The following GULP1 variants were observed in gnomAD, a reference collection of about 807,000 sequenced individuals.
GULP1 encodes PTB domain-containing engulfment adapter protein 1.
GULP1 carries 19 observed loss-of-function variants against 40.9 expected under a neutral mutation model. The observed-to-expected ratio is 0.46, with a 90% CI of 0.32 to 0.68. The LOEUF is 0.68. GULP1 is among the 30% of genes least tolerant of loss of function. The probability of loss-of-function intolerance (pLI) is 0.03; values close to 1 mark genes in which losing one functional copy is unlikely to be tolerated. For missense variants in GULP1, 312 were observed against 362.2 expected (o/e 0.86, Z 1.12); for synonymous variants, 119 against 117.6 (o/e 1.01, Z -0.08).
chr2:188,361,472 T>C (rs2152376330), intron 1 of GULP1, among the ~76,000 whole-genome samples: 2 of 152,174 alleles, frequency 1.3e-5, no homozygotes, highest in Middle Eastern at 3.4e-3. Context: ...TCTATAGGTC[T>C]GTAAGTGTTG....
intron 1 of GULP1, among the ~76,000 whole-genome samples, chr2:188,369,185 C>T (rs915708851): frequency 6.6e-6 from 1 of 150,888 alleles, no homozygotes; most frequent in Non-Finnish European, 1.5e-5. Flanking sequence ...AGTCTCAAAC[C>T]CCTGACCTCA....
chr2:188,560,208 A>G (rs571523059), intron 7 of GULP1, among the ~76,000 whole-genome samples: 5 of 152,056 alleles, frequency 3.3e-5, no homozygotes, highest in African/African-American at 1.2e-4. Context: ...GCCAGATGAA[A>G]CCTTGAATGC....
intron 1 of GULP1, among the ~76,000 whole-genome samples, chr2:188,295,964 T>C (rs1559080431): frequency 1.3e-5 from 2 of 152,108 alleles, no homozygotes; most frequent in African/African-American, 2.4e-5. Context: ...GAGTGATGTA[T>C]TTGTGATTCA....
intron 7 of GULP1, among the ~76,000 whole-genome samples, chr2:188,561,129 C>T (rs1486296654): frequency 2.6e-5 from 4 of 152,130 alleles, no homozygotes; most frequent in Non-Finnish European, 5.9e-5. Flanking sequence ...GGGACTGGGA[C>T]GTTAAGCATG....
chr2:188,529,410 C>T (rs1559346565), intron 6 of GULP1, among the ~76,000 whole-genome samples: 1 of 151,894 alleles, frequency 6.6e-6, no homozygotes, highest in African/African-American at 2.4e-5. Context: ...ATATTAATAA[C>T]TTATGTTAAG....
At chr2:188,410,639 A>C (rs1051094402) in intron 2 of GULP1, among the ~76,000 whole-genome samples, 1 of 152,118 alleles carries the variant, frequency 6.6e-6, no homozygotes, top group Non-Finnish European at 1.5e-5. Flanking sequence ...TTAAAACCAC[A>C]ATGAGCTATC....
Position 188,511,212 on chromosome 2 carries a change from C to T in GULP1, c.91-11544C>T, listed in dbSNP as rs186981331. Among the ~76,000 whole-genome samples, 65 of 152,138 alleles carry T rather than the reference C, an allele frequency of 4.3e-4. No homozygotes were observed. In the East Asian group the frequency reaches 5.4e-3, roughly 13 times the overall value. On this transcript the variant is annotated intron_variant, in intron 4 of 11. Transcript: ENST00000409830. ...CTTTTGACTGCCTTTGTTTTTAAAC[C>T]GCTCTCACAATAGAAACATTATATA... is the stretch of plus-strand genomic sequence containing the variant.
chr2:188,377,333 A>G (rs2048427890), intron 1 of GULP1, among the ~76,000 whole-genome samples: 2 of 152,188 alleles, frequency 1.3e-5, no homozygotes, highest in African/African-American at 4.8e-5. Flanking sequence ...GTCGGGCTAT[A>G]TGATTAGTGC....
intron 2 of GULP1, among the ~76,000 whole-genome samples, chr2:188,399,690 GAAAAAAAAAA>G (rs55877284): frequency 4.6e-5 from 3 of 64,676 alleles, no homozygotes; most frequent in African/African-American, 2.0e-4. Context: ...GTCCCTACAA[GAAAAAAAAAA>G]AAAAAAAAAA....
At chr2:188,514,048 T>TGTGTGTGG (rs2064909512) in intron 4 of GULP1, among the ~76,000 whole-genome samples, 1 of 128,962 alleles carries the variant, frequency 7.8e-6, no homozygotes. Context: ...TGAGTGTGTG[T>TGTGTGTGG]GTGTGTGTGT....
intron 4 of GULP1, among the ~76,000 whole-genome samples, chr2:188,497,331 A>G (rs527287374): frequency 6.6e-6 from 1 of 152,168 alleles, no homozygotes; most frequent in East Asian, 1.9e-4. Context: ...CAAAGAATGC[A>G]GACATGCATA....
chr2:188,469,287 A>G (rs1457688064), intron 2 of GULP1, among the ~76,000 whole-genome samples: 1 of 152,130 alleles, frequency 6.6e-6, no homozygotes, highest in Non-Finnish European at 1.5e-5. Flanking sequence ...CATCTCATCT[A>G]AGTTATATGG....
intron 6 of GULP1, among the ~76,000 whole-genome samples, chr2:188,536,419 C>G (rs1296652541): frequency 2.0e-5 from 3 of 152,120 alleles, no homozygotes; most frequent in Non-Finnish European, 4.4e-5. Flanking sequence ...AGCTAGGTAT[C>G]CCAGCAACAT....
intron 11 of GULP1, chr2:188,593,688 TA>T (rs1704034970): frequency 2.2e-5 from 6 of 271,762 alleles, no homozygotes; most frequent in African/African-American, 4.4e-5. Flanking sequence ...ATCTTAATTT[TA>T]TGTTTTCTCT....
intron 9 of GULP1, 74 bp from the exon 10 acceptor site, chr2:188,584,191 T>C (rs565284816): frequency 3.1e-6 from 3 of 962,936 alleles, no homozygotes; most frequent in Non-Finnish European, 4.6e-6. Context: ...ATATATTTTA[T>C]ATGCATATGA....
At chr2:188,372,841 A>G (rs1191593393) in intron 1 of GULP1, among the ~76,000 whole-genome samples, 1 of 152,010 alleles carries the variant, frequency 6.6e-6, no homozygotes, top group Non-Finnish European at 1.5e-5. Context: ...CTCCTCACAG[A>G]TAGGAAACTA....
At chr2:188,477,855 G>T (rs909566763) in intron 3 of GULP1, 125 bp downstream of exon 3, 3 of 679,444 alleles carry the variant, frequency 4.4e-6, no homozygotes, top group Non-Finnish European at 5.1e-6. Context: ...AGTTAGATTA[G>T]AGCAACACAA....
chr2:188,313,830 A>G (rs1363751894), intron 1 of GULP1, among the ~76,000 whole-genome samples: 2 of 151,234 alleles, frequency 1.3e-5, no homozygotes, highest in African/African-American at 4.9e-5. Context: ...TATTTTATTG[A>G]GAATTGGTAT....
chr2:188,374,074 A>G (rs967746163), intron 1 of GULP1, among the ~76,000 whole-genome samples: 1 of 152,142 alleles, frequency 6.6e-6, no homozygotes, highest in Non-Finnish European at 1.5e-5. Context: ...GTATATAAAC[A>G]TACTTGAAGT....
Sources: allele counts gnomAD v4.1 joint callset (sites outside exome capture counted in the v4.1 genomes callset), GRCh38; gene constraint gnomAD v4.1.1; transcripts MANE v1.5; gene names NCBI Gene and HGNC (gene_info 2026-07-23, HGNC 2026-07-21).